The following FAM184B variants were observed in gnomAD, a reference collection of about 807,000 sequenced individuals.
FAM184B encodes family with sequence similarity 184 member B.
A neutral mutation model predicts 135.9 loss-of-function variants in FAM184B; 111 were observed. The observed-to-expected ratio is 0.82, with a 90% confidence interval of 0.70 to 0.96. The LOEUF is 0.96. FAM184B is among the 40% of genes least tolerant of loss of function. The pLI is 0.00. For synonymous variants in FAM184B, 552 were observed against 524.8 expected (o/e 1.05, Z -0.71); for missense variants, 1,375 against 1,323.9 (o/e 1.04, Z -0.60).
chr4:17,727,913 C>T (rs944085136), intron 1 of FAM184B, among the ~76,000 whole-genome samples: 1 of 152,036 alleles, frequency 6.6e-6, no homozygotes, highest in African/African-American at 2.4e-5. Flanking sequence ...GTTTGGTTAG[C>T]TCTGTTATAA....
In FAM184B at chr4:17,646,483, A is replaced by C. The variant is rs1715470165; in HGVS notation, c.2346+1154T>G. On this transcript the variant is annotated intron_variant, in intron 12 of 17. Coordinates refer to ENST00000265018, the MANE Select transcript of FAM184B (RefSeq NM_015688.2). ...TTCTCAGCAAAATATCAGAAGGACA[A>C]AAAACCAAACACCACATGTTCTCAC... 1.3e-5 allele frequency among the ~76,000 whole-genome samples: 2 copies of C among 152,212 alleles called. 1 individual carries two copies. Among genetic ancestry groups the C allele is most frequent in the South Asian group, 4.1e-4 (2 of 4,824 alleles).
At chr4:17,721,703 G>T (rs1717536331) in intron 1 of FAM184B, among the ~76,000 whole-genome samples, 1 of 152,186 alleles carries the variant, frequency 6.6e-6, no homozygotes, top group Non-Finnish European at 1.5e-5. Context: ...GTTAGCGAGT[G>T]CTGACTTTGT....
intron 7 of FAM184B, among the ~76,000 whole-genome samples, chr4:17,683,791 A>G (rs936335024): frequency 6.6e-6 from 1 of 152,086 alleles, no homozygotes; most frequent in Non-Finnish European, 1.5e-5. Context: ...GAAAAGCAGA[A>G]CTGGCCAGAC....
chr4:17,641,461 C>CTTTTTTTTT lies in FAM184B; in HGVS notation c.2519+586_2519+594dup, dbSNP rs71167316. 7.9e-4 allele frequency among the ~76,000 whole-genome samples: 36 copies of CTTTTTTTTT among 45,700 alleles called. 7 individuals are homozygous for CTTTTTTTTT. The highest frequency in any genetic ancestry group is 3.9e-3 in the South Asian group (3 of 772). The allele number at this position is 45,700 out of a possible 152,430, so 30.0% of individuals were successfully genotyped here. ...TGCAGGGAAACAAACAGGACTCCCTCTTTTTTTTTTTTTTTTTTTTTTTTT... is the reference window on the plus strand; with the variant it reads ...TGCAGGGAAACAAACAGGACTCCCTCTTTTTTTTTTTTTTTTTTTTTTTTTTTTTTTTTT... On this transcript the variant is annotated intron_variant, in intron 13 of 17. Transcript: ENST00000265018.
chr4:17,686,930 GA>G (rs1366249074), intron 7 of FAM184B, among the ~76,000 whole-genome samples: 2 of 152,190 alleles, frequency 1.3e-5, no homozygotes, highest in Non-Finnish European at 2.9e-5. Flanking sequence ...AACAGAGAAA[GA>G]CCCTGTCTCA....
Position 17,642,118 on chromosome 4 carries a change from C to T in FAM184B, c.2457G>A (p.Arg819=). 6.5e-7 allele frequency: 1 copy of T among 1,533,104 alleles called. No individual in the cohort carries two copies. Among genetic ancestry groups the T allele is most frequent in the Non-Finnish European group, 8.7e-7 (1 of 1,145,370 alleles). 95.0% of individuals were successfully genotyped at this position (1,533,104 alleles called of 1,614,324 possible). The change falls in exon 13 of 18, where the codon CGG becomes CGA. Residue 819 remains arginine, a synonymous_variant. Transcript: ENST00000265018. ...EENAQLQDAV[R]RLRAEVEQHQ... ...GCTGCTCCACCTCCGCGCGCAGCCG[C>T]CGCACCGCGTCCTGGAGCTGCGCGT...
intron 1 of FAM184B, among the ~76,000 whole-genome samples, chr4:17,734,583 C>T (rs1446782928): frequency 1.3e-5 from 2 of 151,980 alleles, no homozygotes; most frequent in Non-Finnish European, 2.9e-5. Context: ...TGCAAAAATG[C>T]TCACCATCAC....
At chr4:17,773,228 T>C (rs935915489) in intron 1 of FAM184B, among the ~76,000 whole-genome samples, 3 of 152,160 alleles carry the variant, frequency 2.0e-5, no homozygotes, top group African/African-American at 7.2e-5. Context: ...AGAATTGCTG[T>C]GCACACAAAG....
At chr4:17,651,058 C>A (rs150581191) in intron 11 of FAM184B, among the ~76,000 whole-genome samples, 6 of 152,196 alleles carry the variant, frequency 3.9e-5, no homozygotes, top group Admixed American at 1.3e-4. Context: ...TTAAGGAGAG[C>A]CCTGTCTAGG....
intron 1 of FAM184B, among the ~76,000 whole-genome samples, chr4:17,754,473 C>T (rs1718376167): frequency 6.6e-6 from 1 of 151,238 alleles, no homozygotes; most frequent in Admixed American, 6.6e-5. Context: ...ATCGCTTGAA[C>T]CCGGGAGGCG....
At chr4:17,645,563 T>C (rs1285792373) in intron 12 of FAM184B, among the ~76,000 whole-genome samples, 1 of 151,888 alleles carries the variant, frequency 6.6e-6, no homozygotes, top group African/African-American at 2.4e-5. Context: ...TTACACCTTA[T>C]ACAAAAATTA....
At position 17,705,664 on chromosome 4, in the gene FAM184B, G is replaced by A. The variant is rs1717097360; in HGVS notation, c.1170+88C>T. On this transcript the variant is annotated intron_variant, in intron 4 of 17. Transcript: ENST00000265018. The stretch of plus-strand genomic sequence containing the variant: ...TTCTGATTCCAAGTGGATCCACTAT[G>A]CTTGGGGACTGGCCTCTACCTGACG... The A allele has an allele frequency of 2.7e-6, 4 of 1,456,950 alleles. No individual in the cohort carries two copies. In the Admixed American group the frequency reaches 8.8e-5, roughly 32 times the overall value. 90.3% of individuals were successfully genotyped at this position (1,456,950 alleles called of 1,614,324 possible). A position where few individuals can be genotyped will look rare whatever the true frequency, so the allele number is the denominator to read the frequency against.
At chr4:17,702,620 A>G (rs1041599589) in intron 5 of FAM184B, among the ~76,000 whole-genome samples, 1 of 152,192 alleles carries the variant, frequency 6.6e-6, no homozygotes, top group African/African-American at 2.4e-5. Flanking sequence ...ACCTTTCCCA[A>G]TCTGCATGGC....
chr4:17,706,164 A>G (rs1337850603), intron 3 of FAM184B, among the ~76,000 whole-genome samples: 2 of 152,264 alleles, frequency 1.3e-5, no homozygotes, highest in African/African-American at 2.4e-5. Flanking sequence ...TAGGTTAAAA[A>G]AGTTGAGCAT....
chr4:17,762,911 A>G (rs899718197), intron 1 of FAM184B, among the ~76,000 whole-genome samples: 40 of 152,108 alleles, frequency 2.6e-4, no homozygotes, highest in African/African-American at 9.4e-4. Flanking sequence ...CCTACTTCCA[A>G]CTGCCAACTG....
chr4:17,647,252 C>CTTTT (rs3066609), intron 12 of FAM184B, among the ~76,000 whole-genome samples: 1 of 128,958 alleles, frequency 7.8e-6, no homozygotes, highest in Non-Finnish European at 1.6e-5. Context: ...GAGCCCATCC[C>CTTTT]TTTTTTTTTT....
rs1435332312 is a variant in FAM184B, at chr4:17,709,566, GCTC to G, written c.217_219del (p.Glu73del). 6.5e-7 allele frequency: 1 copy of G among 1,550,052 alleles called. No individual in the cohort carries two copies. The highest frequency in any genetic ancestry group is 8.7e-7 in the Non-Finnish European group (1 of 1,146,800). ...TTGGTCTCTGCCACCGCATTCTGGAGCTCCTCCTGGTGCGCTTCCCGCAGCGCC... is the reference window on the plus strand; with the variant it reads ...TTGGTCTCTGCCACCGCATTCTGGAGCTCCTGGTGCGCTTCCCGCAGCGCC... On this transcript the variant is annotated inframe_deletion, in exon 2 of 18. Coordinates refer to ENST00000265018, the MANE Select transcript of FAM184B (RefSeq NM_015688.2).
In FAM184B at chr4:17,781,571, C is replaced by G. The variant is rs528029596; in HGVS notation, c.-272G>C. 3 of 396,878 alleles carry G rather than the reference C, an allele frequency of 7.6e-6. No individual in the cohort carries two copies. In the South Asian group the frequency reaches 1.3e-4, roughly 18 times the overall value. 24.6% of individuals were successfully genotyped at this position (396,878 alleles called of 1,614,324 possible). On this transcript the variant is annotated 5_prime_UTR_variant, in exon 1 of 18. Transcript: ENST00000265018. This position sits in a 1 kb window ranked among gnomAD's most constrained non-coding sequence, Gnocchi z 6.5. The stretch of plus-strand genomic sequence containing the variant: ...TGCGGCGAGGCGTCGGCGCCCCGCA[C>G]GTGCCGCTGGCGATCAGTCTGCAGT...
intron 1 of FAM184B, among the ~76,000 whole-genome samples, chr4:17,739,447 C>T (rs1416786978): frequency 2.0e-5 from 3 of 151,678 alleles, no homozygotes; most frequent in Non-Finnish European, 2.9e-5. Flanking sequence ...GGAGAGGCGA[C>T]GTTAGCCAGG....
Sources: gnomAD v4.1 joint callset for allele counts (sites outside exome capture counted in the v4.1 genomes callset) on GRCh38, gnomAD v4.1.1 for gene constraint, Gnocchi (gnomAD v3.1) non-coding constraint, MANE v1.5 for transcripts, NCBI Gene and HGNC (gene_info 2026-07-23, HGNC 2026-07-21) for gene names.